The following MYH11 variants were observed in gnomAD, a reference collection of about 807,000 sequenced individuals.
MYH11 encodes the protein myosin-11.
A neutral mutation model predicts 246.6 loss-of-function variants in MYH11; 80 were observed. The ratio of observed to expected loss-of-function variants is 0.32; its 90% CI spans 0.27 to 0.39. MYH11 has a LOEUF of 0.39. MYH11 is among the 10% of genes least tolerant of loss of function. The pLI, the probability that MYH11 is intolerant of heterozygous loss-of-function variation, is 1.00. For missense variants in MYH11, 2,158 were observed against 2,546.8 expected, an observed-to-expected ratio of 0.85 and a Z score of 3.29; for synonymous variants, 1,071 against 1,015.5, an observed-to-expected ratio of 1.05 and a Z score of -1.04.
chr16:15,714,846 C>A (rs561130511), intron 40 of MYH11, 63 bp downstream of exon 40: 3 of 1,599,644 alleles, frequency 1.9e-6, no homozygotes, highest in African/African-American at 2.7e-5. Flanking sequence ...GAAAGGAGCC[C>A]GAGCCCCCAG....
chr16:15,728,931 C>T (rs528979500), intron 27 of MYH11, among the ~76,000 whole-genome samples: 2 of 151,812 alleles, frequency 1.3e-5, no homozygotes, highest in Admixed American at 6.6e-5. Flanking sequence ...AAAAGTAGGA[C>T]GCGGTGAGGG....
At chr16:15,808,175 G>A (rs751263040) in intron 3 of MYH11, among the ~76,000 whole-genome samples, 6 of 152,248 alleles carry the variant, frequency 3.9e-5, no homozygotes, top group Non-Finnish European at 8.8e-5. Flanking sequence ...AGATGCCAGA[G>A]GTTCTGGATC....
chr16:15,763,738 A>AGCTCGGGGCCC, intron 10 of MYH11, 58 bp downstream of exon 10: 1 of 717,694 alleles, frequency 1.4e-6, no homozygotes, highest in Non-Finnish European at 2.6e-6. Flanking sequence ...GTTAAATGTC[A>AGCTCGGGGCCC]CCTCCCCCAC....
rs112515704 is a variant in MYH11, at chr16:15,734,303, G to GTT, written c.3506+1061_3506+1062dup. Among the ~76,000 whole-genome samples, 11 of 151,040 alleles carry GTT rather than the reference G, an allele frequency of 7.3e-5. 1 individual carries two copies. In the South Asian group the frequency reaches 8.4e-4, roughly 12 times the overall value. Reference sequence around the variant, plus strand: ...ACTAAGGGTGATTTTTTTGTTTTTTGTTTTTTTTTGAGATGGAGTCTCACT... The same window carrying GTT: ...ACTAAGGGTGATTTTTTTGTTTTTTGTTTTTTTTTTTGAGATGGAGTCTCACT... On this transcript the variant is annotated intron_variant, in intron 26 of 40. Transcript: ENST00000300036.
intron 2 of MYH11, among the ~76,000 whole-genome samples, chr16:15,832,157 C>G (rs1340703273): frequency 6.6e-6 from 1 of 152,082 alleles, no homozygotes; most frequent in Non-Finnish European, 1.5e-5. Flanking sequence ...TTGTCACCTG[C>G]TAAAGTTTGG....
intron 1 of MYH11, among the ~76,000 whole-genome samples, chr16:15,850,933 C>G (rs1464091721): frequency 1.3e-5 from 2 of 151,942 alleles, no homozygotes; most frequent in African/African-American, 4.8e-5. Context: ...TGCTCATATT[C>G]TAAATGTCAT....
At position 15,838,289 on chromosome 16, in the gene MYH11, G is replaced by A. The variant is rs957642257; in HGVS notation, c.-17-20C>T. ...GGTCCCCTGTGGAATAAGGTAACAG[G>A]GTCAGAATCAGACCACAACCAAGCC... On this transcript the variant is annotated intron_variant, in intron 1 of 40. Coordinates refer to ENST00000300036, the MANE Select transcript of MYH11 (RefSeq NM_002474.3). 1 of 1,602,540 alleles carries A rather than the reference G, an allele frequency of 6.2e-7. No individual in the cohort carries two copies. The highest frequency in any genetic ancestry group is 8.5e-7 in the Non-Finnish European group (1 of 1,170,726).
chr16:15,769,307 C>G (rs1443000073), intron 9 of MYH11, among the ~76,000 whole-genome samples: 2 of 152,136 alleles, frequency 1.3e-5, no homozygotes, highest in East Asian at 3.9e-4. Context: ...CAATAGCAAG[C>G]CTCCATCTCA....
chr16:15,733,511 G>T (rs1480114742), intron 26 of MYH11, among the ~76,000 whole-genome samples: 7 of 151,596 alleles, frequency 4.6e-5, no homozygotes, highest in South Asian at 4.2e-4. Flanking sequence ...GGGATTACAG[G>T]TGTGAGCCAC....
At chr16:15,735,188 AAAAAG>A (rs1213291125) in intron 26 of MYH11, among the ~76,000 whole-genome samples, 173 bp downstream of exon 26, 4 of 152,084 alleles carry the variant, frequency 2.6e-5, no homozygotes, top group Admixed American at 2.0e-4. Context: ...AAAAAAAAAA[AAAAAG>A]AAAGAAAAAA....
Position 15,747,857 on chromosome 16 carries a change from T to G in MYH11, c.2250+17A>C. On this transcript the variant is annotated intron_variant, in intron 18 of 40. Coordinates refer to ENST00000300036, the MANE Select transcript of MYH11 (RefSeq NM_002474.3). The stretch of plus-strand genomic sequence containing the variant: ...CGGCCAGAGGTTGGGAGGTCTCTGG[T>G]GGACTTCTGGGCTCACCATGAGAAT... 2 of 1,613,258 alleles carry G rather than the reference T, an allele frequency of 1.2e-6. No homozygotes were observed. Among genetic ancestry groups the G allele is most frequent in the Non-Finnish European group, 1.7e-6 (2 of 1,179,916 alleles).
chr16:15,718,611 G>A (rs1001991115), intron 36 of MYH11, 173 bp from the exon 37 acceptor site: 29 of 1,020,178 alleles, frequency 2.8e-5, no homozygotes, highest in African/African-American at 6.5e-5. Context: ...GTGGACAGCC[G>A]GGACTCAGGC....
In MYH11 at chr16:15,750,191, G is replaced by A. The variant is rs111404182; in HGVS notation, c.2005C>T (p.Arg669Cys). Residue 669 changes from arginine (R) to cysteine (C), a missense_variant, in exon 16 of 41, where the codon CGC (arginine) becomes TGC (cysteine). Physicochemically the swap from Arg to Cys is radical, Grantham distance 180. Around this residue, in one of 11 missense-constraint regions of MYH11, gnomAD observed 317 missense variants for 507.7 expected, o/e 0.62. Transcript: ENST00000300036. The surrounding 1 kb of genome is among the most constrained non-coding windows in gnomAD (Gnocchi z 4.3). ...EQLGKLMTTLRNTTPNFVRCI... is the reference protein window; with the variant it reads ...EQLGKLMTTLCNTTPNFVRCI... ...CGCACGAAGTTGGGCGTGGTGTTGC[G>A]TAGCGTGGTCATCAGCTTGCCCAGC... The A allele has an allele frequency of 8.2e-4, 1,321 of 1,614,242 alleles. 1 individual carries two copies. The highest frequency in any genetic ancestry group is 1.4e-3 in the Admixed American group (87 of 60,032).
At chr16:15,763,741 T>TGGGGGGGGCCCCCCCCCCCCCCCCCC in intron 10 of MYH11, 55 bp downstream of exon 10, 1 of 646,860 alleles carries the variant, frequency 1.5e-6, no homozygotes, top group Non-Finnish European at 2.9e-6. Flanking sequence ...AAATGTCACC[T>TGGGGGGGGCCCCCCCCCCCCCCCCCC]CCCCCACCCC....
chr16:15,708,747 CAGAAA>C lies in MYH11; in HGVS notation c.5787-4629_5787-4625del, dbSNP rs144505034. Reference sequence around the variant, plus strand: ...GGGGTGGGCAGAGGGGCGCATTGGGCAGAAAAGAAATGGATACTGAGACAACACAC... The same window carrying C: ...GGGGTGGGCAGAGGGGCGCATTGGGCAGAAATGGATACTGAGACAACACAC... On this transcript the variant is annotated intron_variant, in intron 40 of 40. Coordinates refer to ENST00000300036, the MANE Select transcript of MYH11 (RefSeq NM_002474.3). 5.1e-3 allele frequency: 7,943 copies of C among 1,568,632 alleles called. 347 individuals are homozygous for C. In the African/African-American group the frequency reaches 0.095, roughly 19 times the overall value.
chr16:15,758,910 G>C (rs2041800443), intron 12 of MYH11, among the ~76,000 whole-genome samples: 1 of 148,458 alleles, frequency 6.7e-6, no homozygotes, highest in Non-Finnish European at 1.5e-5. Context: ...GCAGCAGTGA[G>C]ACAAAATTGT....
intron 3 of MYH11, among the ~76,000 whole-genome samples, chr16:15,803,442 A>C (rs916039449): frequency 7.3e-5 from 11 of 151,690 alleles, no homozygotes; most frequent in Non-Finnish European, 1.6e-4. Flanking sequence ...ACGCCTGGCT[A>C]ATTTTTCTAT....
chr16:15,709,487 A>G (rs762795109), intron 40 of MYH11, among the ~76,000 whole-genome samples: 1 of 151,930 alleles, frequency 6.6e-6, no homozygotes, highest in Non-Finnish European at 1.5e-5. Context: ...GCTAATTTTC[A>G]TATTTTTAGT....
chr16:15,811,311 C>A (rs2043132594), intron 3 of MYH11, among the ~76,000 whole-genome samples: 1 of 152,194 alleles, frequency 6.6e-6, no homozygotes. Flanking sequence ...AGTCCCTTAG[C>A]CTTCTGGGGG....
Sources: allele counts gnomAD v4.1 joint callset (sites outside exome capture counted in the v4.1 genomes callset), GRCh38; gene constraint gnomAD v4.1.1; regional missense constraint gnomAD v4.1.1; non-coding constraint Gnocchi (gnomAD v3.1); transcripts MANE v1.5; gene names NCBI Gene and HGNC (gene_info 2026-07-23, HGNC 2026-07-21).